Variants in GAS2 observed in about 807,000 individuals in gnomAD.
The protein encoded by GAS2 is growth arrest-specific protein 2.
Under a neutral mutation model 37.5 loss-of-function variants are expected in GAS2, and 20 were observed. The observed-to-expected ratio is 0.53, with a 90% CI of 0.37 to 0.77. The LOEUF is 0.77. GAS2 is among the 30% of genes least tolerant of loss of function. The probability of loss-of-function intolerance (pLI) is 0.00; values close to 1 mark genes in which losing one functional copy is unlikely to be tolerated. For missense variants in GAS2, 336 were observed against 373.4 expected (o/e 0.90, Z 0.82); for synonymous variants, 144 against 132.2 (o/e 1.09, Z -0.61).
At chr11:22,748,607 A>G (rs1393126837) in intron 5 of GAS2, among the ~76,000 whole-genome samples, 1 of 152,074 alleles carries the variant, frequency 6.6e-6, no homozygotes, top group East Asian at 1.9e-4. Context: ...TGTATAACCC[A>G]TAGTACAATG....
intron 7 of GAS2, among the ~76,000 whole-genome samples, chr11:22,771,567 C>T (rs1274356357): frequency 2.6e-5 from 4 of 152,092 alleles, no homozygotes; most frequent in South Asian, 2.1e-4. Context: ...TTTTGAGGTA[C>T]TGAGGTTGCA....
chr11:22,663,640 AT>A (rs539601674), upstream of GAS2, among the ~76,000 whole-genome samples: 655 of 152,254 alleles, frequency 4.3e-3, 6 homozygotes, highest in African/African-American at 0.015. Context: ...AAAGTAATAG[AT>A]TTTTTAAATT....
At chr11:22,793,172 C>G (rs1338491685) in intron 7 of GAS2, among the ~76,000 whole-genome samples, 1 of 151,920 alleles carries the variant, frequency 6.6e-6, no homozygotes, top group Non-Finnish European at 1.5e-5. Context: ...TACTAGAGAG[C>G]CTGAGGCGGG....
chr11:22,673,445 T>A (rs1276057399), intron 1 of GAS2, among the ~76,000 whole-genome samples: 1 of 152,242 alleles, frequency 6.6e-6, no homozygotes, highest in Non-Finnish European at 1.5e-5. Context: ...TCTTGCCTAT[T>A]GCAAGTATTT....
chr11:22,718,794 G>A (rs567221329), intron 3 of GAS2, among the ~76,000 whole-genome samples: 2 of 152,110 alleles, frequency 1.3e-5, no homozygotes, highest in African/African-American at 4.8e-5. Flanking sequence ...GATTTTTGGA[G>A]GTTTTAAGAA....
At chr11:22,628,942 A>C (rs1046017364) in intron 1 of GAS2, among the ~76,000 whole-genome samples, 1 of 152,164 alleles carries the variant, frequency 6.6e-6, no homozygotes, top group African/African-American at 2.4e-5. Flanking sequence ...AGTTCCACCC[A>C]AGTGGCTGCA....
At chr11:22,778,400 A>T (rs1855375480) in intron 7 of GAS2, among the ~76,000 whole-genome samples, 1 of 152,228 alleles carries the variant, frequency 6.6e-6, no homozygotes, top group African/African-American at 2.4e-5. Flanking sequence ...TCAGTAAGCA[A>T]ATATACAGGT....
chr11:22,765,167 A>G (rs933106401), intron 7 of GAS2, among the ~76,000 whole-genome samples: 1 of 152,134 alleles, frequency 6.6e-6, no homozygotes, highest in African/African-American at 2.4e-5. Context: ...TTTTATATCT[A>G]GTGATGTTGT....
At chr11:22,679,283 A>AGC (rs1466044822) in intron 2 of GAS2, among the ~76,000 whole-genome samples, 1 of 152,114 alleles carries the variant, frequency 6.6e-6, no homozygotes, top group African/African-American at 2.4e-5. Flanking sequence ...AAGTTTATTT[A>AGC]GCCATTGTTG....
intron 1 of GAS2, among the ~76,000 whole-genome samples, chr11:22,651,742 G>T (rs1011745331): frequency 2.6e-5 from 4 of 152,088 alleles, no homozygotes; most frequent in Non-Finnish European, 5.9e-5. Flanking sequence ...TCTTCATGTA[G>T]TTCTCGAGCC....
intron 3 of GAS2, among the ~76,000 whole-genome samples, chr11:22,714,756 C>T (rs1851580603): frequency 6.6e-6 from 1 of 152,170 alleles, no homozygotes. Flanking sequence ...TAATCTGCTT[C>T]TGAATGATAC....
chr11:22,755,723 T>C, intron 6 of GAS2, 123 bp from the exon 7 acceptor site: 1 of 625,620 alleles, frequency 1.6e-6, no homozygotes, highest in Non-Finnish European at 2.8e-6. Flanking sequence ...GCTCACATGA[T>C]GTCCATAGAT....
At position 22,673,518 on chromosome 11, in the gene GAS2, C is replaced by T. The variant is rs138202069; in HGVS notation, c.-20-1332C>T. On this transcript the variant is annotated intron_variant, in intron 1 of 7. Transcript: ENST00000454584. ...ATTTCATAAGCATATTTATATACAG[C>T]GTAGAATCCTGCATGTTATTAAACA... 5.9e-5 allele frequency among the ~76,000 whole-genome samples: 9 copies of T among 152,260 alleles called. No individual in the cohort carries two copies. The East Asian group carries it at 1.4e-3, about 23-fold the overall frequency.
In GAS2 at chr11:22,673,820, A is replaced by C. The variant is rs183330573; in HGVS notation, c.-20-1030A>C. On this transcript the variant is annotated intron_variant, in intron 1 of 7. Coordinates refer to ENST00000454584, the MANE Select transcript of GAS2 (RefSeq NM_001143830.3). ...TATTCAAATACCTTTTCTACAACCC[A>C]AGTAGGGGATTGCACTGCTCACAAT... 5.6e-3 allele frequency among the ~76,000 whole-genome samples: 859 copies of C among 152,330 alleles called. 6 individuals are homozygous for C. Among genetic ancestry groups the C allele is most frequent in the Non-Finnish European group, 0.01 (684 of 68,030 alleles).
At chr11:22,804,996 G>A (rs1856820837) in intron 7 of GAS2, among the ~76,000 whole-genome samples, 1 of 152,050 alleles carries the variant, frequency 6.6e-6, no homozygotes, top group African/African-American at 2.4e-5. Context: ...AGCATTCTAG[G>A]GAAAGGGAGG....
Position 22,812,196 on chromosome 11 carries a change from A to T in GAS2, c.*180A>T. The stretch of plus-strand genomic sequence containing the variant: ...ATTTTTAATGCTTCTGTAGAATATG[A>T]CCTATTAAAAGAAAATCTAAACTCA... On this transcript the variant is annotated 3_prime_UTR_variant, in exon 8 of 8. Transcript: ENST00000454584. The T allele has an allele frequency of 1.8e-6, 1 of 548,908 alleles. No individual in the cohort carries two copies. 34.0% of individuals were successfully genotyped at this position (548,908 alleles called of 1,614,324 possible).
chr11:22,795,845 A>G (rs1285241730), intron 7 of GAS2, among the ~76,000 whole-genome samples: 1 of 152,156 alleles, frequency 6.6e-6, no homozygotes, highest in East Asian at 1.9e-4. Context: ...GAAAGCTCAA[A>G]GACCAATTTG....
chr11:22,650,740 C>A (rs1385266225), intron 1 of GAS2, among the ~76,000 whole-genome samples: 1 of 150,868 alleles, frequency 6.6e-6, no homozygotes, highest in East Asian at 1.9e-4. Flanking sequence ...AGAATTGCAA[C>A]CCCTGCCTTT....
chr11:22,751,520 G>A (rs901989329), intron 6 of GAS2, among the ~76,000 whole-genome samples: 1 of 151,758 alleles, frequency 6.6e-6, no homozygotes, highest in African/African-American at 2.4e-5. Flanking sequence ...TGTGTTTTTT[G>A]GATATATTAT....
Sources: allele counts gnomAD v4.1 joint callset (sites outside exome capture counted in the v4.1 genomes callset), GRCh38; gene constraint gnomAD v4.1.1; transcripts MANE v1.5; gene names NCBI Gene and HGNC (gene_info 2026-07-23, HGNC 2026-07-21).